Variants in ALK observed in about 807,000 individuals in gnomAD.
The protein encoded by ALK is ALK tyrosine kinase receptor.
In ALK, 74 loss-of-function variants were observed where a neutral mutation model predicts 163.1. That is an observed-to-expected ratio of 0.45 (90% CI 0.38 to 0.55). ALK has a LOEUF of 0.55. Among genes scored for constraint, ALK ranks in the 20% least tolerant of loss-of-function variants. ALK has a pLI of 0.00. For synonymous variants in ALK, 960 were observed against 843.2 expected, an observed-to-expected ratio of 1.14 and a Z score of -2.40; for missense variants, 2,063 against 2,105.3, an observed-to-expected ratio of 0.98 and a Z score of 0.39.
chr2:29,455,676 CAAGA>C (rs1415103438), intron 4 of ALK, among the ~76,000 whole-genome samples: 1 of 152,086 alleles, frequency 6.6e-6, no homozygotes, highest in Non-Finnish European at 1.5e-5. Context: ...CCTCCGGATG[CAAGA>C]AAGAAAAGGT....
intron 3 of ALK, among the ~76,000 whole-genome samples, chr2:29,685,810 C>A (rs2148282483): frequency 6.6e-6 from 1 of 152,332 alleles, no homozygotes; most frequent in East Asian, 1.9e-4. Context: ...GTTGGTGGAA[C>A]TGCGTTCCTT....
At chr2:29,578,555 G>C (rs6547954) in intron 3 of ALK, among the ~76,000 whole-genome samples, 33,893 of 152,208 alleles carry the variant, frequency 0.22, 4,121 homozygotes, top group Middle Eastern at 0.31. Flanking sequence ...AGGGCCCTCA[G>C]GGCCTGTTTG....
At chr2:29,770,256 C>T (rs1350413053) in intron 1 of ALK, among the ~76,000 whole-genome samples, 1 of 150,672 alleles carries the variant, frequency 6.6e-6, no homozygotes, top group African/African-American at 2.5e-5. Context: ...ATCATGGCCA[C>T]TAGGCCTATA....
chr2:29,642,066 G>A (rs1676719126), intron 3 of ALK, among the ~76,000 whole-genome samples: 1 of 152,130 alleles, frequency 6.6e-6, no homozygotes, highest in Non-Finnish European at 1.5e-5. Flanking sequence ...AGTTCCTTCT[G>A]TCTTCAAAAG....
intron 3 of ALK, among the ~76,000 whole-genome samples, chr2:29,659,862 G>C (rs1253203631): frequency 6.6e-6 from 1 of 152,058 alleles, no homozygotes; most frequent in Non-Finnish European, 1.5e-5. Flanking sequence ...CTTCTTGTCT[G>C]CTGTACTTTA....
chr2:29,514,965 A>C (rs1399783125), intron 4 of ALK, among the ~76,000 whole-genome samples: 2 of 152,202 alleles, frequency 1.3e-5, no homozygotes, highest in Non-Finnish European at 1.5e-5. Context: ...TTTGAAGATA[A>C]GGATTATGAT....
intron 4 of ALK, among the ~76,000 whole-genome samples, chr2:29,394,870 G>T (rs1211863922): frequency 6.8e-6 from 1 of 147,260 alleles, no homozygotes; most frequent in East Asian, 2.0e-4. Context: ...AATGCAGTAG[G>T]TTTTTTTTTT....
At chr2:29,367,573 T>C (rs932713836) in intron 5 of ALK, among the ~76,000 whole-genome samples, 1 of 152,188 alleles carries the variant, frequency 6.6e-6, no homozygotes, top group African/African-American at 2.4e-5. Flanking sequence ...AATTCTTCTG[T>C]TCCATTGTAA....
In ALK at chr2:29,695,221, C is replaced by T. The variant is rs114629632; in HGVS notation, c.788-207G>A. ...TGTGCTCTTTCTGTAACTCATATTA[C>T]GGGAGATGTTCTCAGAGAAGGCAGG... On this transcript the variant is annotated intron_variant, in intron 2 of 28. Transcript: ENST00000389048. 1.8e-3 allele frequency among the ~76,000 whole-genome samples: 280 copies of T among 152,200 alleles called. 1 individual carries two copies. Among genetic ancestry groups the T allele is most frequent in the Non-Finnish European group, 2.9e-3 (195 of 68,016 alleles).
chr2:29,694,751 A>G, intron 3 of ALK, 99 bp downstream of exon 3: 5 of 1,485,624 alleles, frequency 3.4e-6, no homozygotes, highest in Non-Finnish European at 4.7e-6. Flanking sequence ...CAAAGTAAAC[A>G]GAGCAGAACA....
intron 4 of ALK, among the ~76,000 whole-genome samples, chr2:29,414,958 C>T (rs538291492): frequency 2.0e-5 from 3 of 151,886 alleles, no homozygotes; most frequent in Non-Finnish European, 2.9e-5. Context: ...GAGGATGTCA[C>T]GTGGAGGTGT....
chr2:29,749,908 A>G (rs918445184), intron 1 of ALK, among the ~76,000 whole-genome samples: 9 of 152,208 alleles, frequency 5.9e-5, no homozygotes, highest in African/African-American at 1.9e-4. Context: ...TCAGAAGTGC[A>G]GTGCTCCTCC....
intron 1 of ALK, among the ~76,000 whole-genome samples, chr2:29,875,253 T>TG (rs989669222): frequency 8.6e-5 from 13 of 151,928 alleles, no homozygotes; most frequent in African/African-American, 1.7e-4. Flanking sequence ...GTTACTAGGG[T>TG]GGGGGAATGG....
intron 3 of ALK, among the ~76,000 whole-genome samples, chr2:29,598,217 G>A (rs1171776509): frequency 6.6e-6 from 1 of 152,152 alleles, no homozygotes. Context: ...GTAGAGACGA[G>A]GTTTCACCAT....
chr2:29,353,637 C>T (rs1209325958), intron 5 of ALK, among the ~76,000 whole-genome samples: 1 of 151,834 alleles, frequency 6.6e-6, no homozygotes, highest in African/African-American at 2.4e-5. Flanking sequence ...TCATTACACA[C>T]TTGTGTTGAA....
chr2:29,291,750 C>A (rs1192760289), intron 9 of ALK, among the ~76,000 whole-genome samples: 22 of 152,156 alleles, frequency 1.4e-4, no homozygotes, highest in Admixed American at 1.4e-3. Context: ...AGGGGTGTGT[C>A]TAGACCTGCA....
At chr2:29,332,524 CAAAG>C (rs1667475476) in intron 5 of ALK, among the ~76,000 whole-genome samples, 1 of 151,968 alleles carries the variant, frequency 6.6e-6, no homozygotes, top group Non-Finnish European at 1.5e-5. Flanking sequence ...TCAAAAGAAA[CAAAG>C]AAAATGCCCA....
chr2:29,902,303 G>A (rs4553773), intron 1 of ALK, among the ~76,000 whole-genome samples: 101,929 of 152,052 alleles, frequency 0.67, 34,360 homozygotes, highest in East Asian at 0.77. Flanking sequence ...GTGCTAGAAA[G>A]CTTGAATTTC....
intron 1 of ALK, among the ~76,000 whole-genome samples, chr2:29,840,790 T>C (rs904438834): frequency 2.6e-5 from 4 of 152,226 alleles, no homozygotes; most frequent in African/African-American, 7.2e-5. Context: ...AATACTTCTA[T>C]TGCATTATCT....
Sources: allele counts gnomAD v4.1 joint callset (sites outside exome capture counted in the v4.1 genomes callset), GRCh38; gene constraint gnomAD v4.1.1; transcripts MANE v1.5; gene names NCBI Gene and HGNC (gene_info 2026-07-23, HGNC 2026-07-21).